The following NPAS3 variants were observed in gnomAD, a reference collection of about 807,000 sequenced individuals.
NPAS3 encodes the protein neuronal PAS domain protein 3.
A neutral mutation model predicts 73.1 loss-of-function variants in NPAS3; 14 were observed. The ratio of observed to expected loss-of-function variants is 0.19; its 90% CI spans 0.13 to 0.30. The LOEUF (loss-of-function observed/expected upper bound fraction) is 0.30. Among genes scored for constraint, NPAS3 ranks in the 10% least tolerant of loss-of-function variants. The pLI, the probability that NPAS3 is intolerant of heterozygous loss-of-function variation, is 1.00. For missense variants in NPAS3, 1,096 were observed against 1,250.0 expected (o/e 0.88, Z 1.86); for synonymous variants, 620 against 541.5 (o/e 1.14, Z -2.01).
intron 3 of NPAS3, among the ~76,000 whole-genome samples, chr14:33,333,222 G>A (rs962999959): frequency 2.6e-5 from 4 of 152,164 alleles, no homozygotes; most frequent in African/African-American, 7.2e-5. Flanking sequence ...TAAATGAGAT[G>A]ATACATATGA....
At chr14:33,063,522 C>T (rs1436118473) in intron 2 of NPAS3, among the ~76,000 whole-genome samples, 1 of 152,142 alleles carries the variant, frequency 6.6e-6, no homozygotes, top group Non-Finnish European at 1.5e-5. Context: ...GGATTAGTAT[C>T]ACTGAATTAG....
At chr14:33,158,586 T>C (rs1171297909) in intron 2 of NPAS3, among the ~76,000 whole-genome samples, 2 of 151,490 alleles carry the variant, frequency 1.3e-5, no homozygotes, top group Non-Finnish European at 1.5e-5. Flanking sequence ...TAATTGGGAG[T>C]TCTAAGGTAC....
At chr14:33,411,325 G>A (rs955508333) in intron 4 of NPAS3, among the ~76,000 whole-genome samples, 2 of 152,146 alleles carry the variant, frequency 1.3e-5, no homozygotes, top group African/African-American at 4.8e-5. Flanking sequence ...TGGGATTACA[G>A]GCATCTGCCA....
chr14:33,521,271 G>A (rs565843289), intron 4 of NPAS3, among the ~76,000 whole-genome samples: 7 of 152,174 alleles, frequency 4.6e-5, no homozygotes, highest in African/African-American at 1.4e-4. Flanking sequence ...GAGGTGTCAA[G>A]GGCAATACAG....
Position 33,778,450 on chromosome 14 carries a change from G to T in NPAS3, c.1047-16G>T. 6.5e-7 allele frequency: 1 copy of T among 1,541,384 alleles called. No homozygotes were observed. The highest frequency in any genetic ancestry group is 9.0e-7 in the Non-Finnish European group (1 of 1,113,940). On this transcript the variant is annotated splice_polypyrimidine_tract_variant and intron_variant, in intron 8 of 11. Coordinates refer to ENST00000356141, the Ensembl canonical transcript of NPAS3. Reference sequence around the variant, plus strand: ...TCCTCCTTTCTGAATTCCAGCCTGTGTTCTTCTCTTTGTAGGATTAGTGAT... The same window carrying T: ...TCCTCCTTTCTGAATTCCAGCCTGTTTTCTTCTCTTTGTAGGATTAGTGAT...
Position 33,483,591 on chromosome 14 carries a change from C to T in NPAS3, c.469-76530C>T, listed in dbSNP as rs548871150. On this transcript the variant is annotated intron_variant, in intron 4 of 11. Transcript: ENST00000356141. ...ATGCCCTTCACACAGCAGACAGTTA[C>T]CTAATGGTAAACGATGAGGGATCAT... Among the ~76,000 whole-genome samples, 3 of 152,220 alleles carry T rather than the reference C, an allele frequency of 2.0e-5. No individual in the cohort carries two copies. In the East Asian group the frequency reaches 5.8e-4, roughly 29 times the overall value.
chr14:33,044,663 T>TC (rs2040446236), intron 1 of NPAS3, among the ~76,000 whole-genome samples: 1 of 151,920 alleles, frequency 6.6e-6, no homozygotes, highest in Admixed American at 6.6e-5. Flanking sequence ...TGTTTTTTTT[T>TC]TTTTTGGCGG....
intron 6 of NPAS3, among the ~76,000 whole-genome samples, chr14:33,691,823 G>C (rs537886002): frequency 4.6e-5 from 7 of 152,208 alleles, no homozygotes; most frequent in African/African-American, 1.7e-4. Context: ...CCCAACTGGG[G>C]CTTTAAAATT....
intron 3 of NPAS3, among the ~76,000 whole-genome samples, chr14:33,250,821 T>C (rs936597369): frequency 6.6e-6 from 1 of 152,060 alleles, no homozygotes; most frequent in Non-Finnish European, 1.5e-5. Flanking sequence ...GGTTATTTTT[T>C]CCTCTCCAAA....
chr14:33,452,699 C>T (rs1332150900), intron 4 of NPAS3, among the ~76,000 whole-genome samples: 4 of 127,914 alleles, frequency 3.1e-5, no homozygotes, highest in East Asian at 2.7e-4. Flanking sequence ...GGCGTGAATT[C>T]GGGAGGTGGA....
chr14:33,229,128 A>G (rs78569358), intron 3 of NPAS3, among the ~76,000 whole-genome samples: 4,509 of 152,270 alleles, frequency 0.03, 94 homozygotes, highest in Middle Eastern at 0.068. Flanking sequence ...CAGGATACCC[A>G]ATGCCATGTA....
rs759905910 is a variant in NPAS3, at chr14:33,774,188, A to C, written c.853-149A>C. 1.1e-4 allele frequency: 65 copies of C among 605,518 alleles called. No individual in the cohort carries two copies. In the Middle Eastern group the frequency reaches 1.7e-3, roughly 15 times the overall value. 37.5% of individuals were successfully genotyped at this position (605,518 alleles called of 1,614,324 possible). ...CTTTTTTGTCTCTTGCCACAAGGACACTGAGGGCATGCCGACAGCCATTAT... is the reference window on the plus strand; with the variant it reads ...CTTTTTTGTCTCTTGCCACAAGGACCCTGAGGGCATGCCGACAGCCATTAT... On this transcript the variant is annotated intron_variant, in intron 7 of 11. Coordinates refer to ENST00000356141, the Ensembl canonical transcript of NPAS3.
At chr14:33,682,224 T>G (rs1437313154) in intron 6 of NPAS3, among the ~76,000 whole-genome samples, 1 of 152,170 alleles carries the variant, frequency 6.6e-6, no homozygotes, top group African/African-American at 2.4e-5. Flanking sequence ...ATGGATTGAT[T>G]TAAAATGCAT....
chr14:33,034,926 C>A (rs1440177249), intron 1 of NPAS3, among the ~76,000 whole-genome samples: 3 of 152,128 alleles, frequency 2.0e-5, no homozygotes, highest in African/African-American at 4.8e-5. Context: ...TGTGTTAAGA[C>A]AACTTATTAT....
intron 3 of NPAS3, among the ~76,000 whole-genome samples, chr14:33,309,039 A>G (rs994414597): frequency 1.3e-5 from 2 of 152,160 alleles, no homozygotes; most frequent in African/African-American, 4.8e-5. Context: ...ACTAGTAGAT[A>G]TTTGGTGAAA....
At position 33,654,694 on chromosome 14, in the gene NPAS3, C is replaced by T. The variant is rs999549484; in HGVS notation, c.559-21517C>T. ...CCACACCATGCTGCTGACTAGCCAA[C>T]TGTTGGTGCATAAATATTTATATCC... On this transcript the variant is annotated intron_variant, in intron 5 of 11. Coordinates refer to ENST00000356141, the Ensembl canonical transcript of NPAS3. Among the ~76,000 whole-genome samples the T allele has an allele frequency of 4.6e-5, 7 of 152,162 alleles. No homozygotes were observed. In the East Asian group the frequency reaches 1.3e-3, roughly 29 times the overall value.
intron 1 of NPAS3, among the ~76,000 whole-genome samples, chr14:33,037,943 T>C (rs2040224508): frequency 6.6e-6 from 1 of 152,240 alleles, no homozygotes; most frequent in South Asian, 2.1e-4. Context: ...GGATTCAAAA[T>C]CAGAGGCATC....
chr14:33,616,152 C>T (rs377576269), intron 5 of NPAS3, among the ~76,000 whole-genome samples: 1 of 152,312 alleles, frequency 6.6e-6, no homozygotes, highest in African/African-American at 2.4e-5. Flanking sequence ...CTTAAGCCTG[C>T]CAACTCTGGG....
intron 3 of NPAS3, among the ~76,000 whole-genome samples, chr14:33,340,149 A>G (rs550662011): frequency 4.6e-5 from 7 of 152,324 alleles, no homozygotes; most frequent in African/African-American, 1.7e-4. Context: ...TTATATCAGA[A>G]TAGTTTTTGG....
Sources: gnomAD v4.1 joint callset for allele counts (sites outside exome capture counted in the v4.1 genomes callset) on GRCh38, gnomAD v4.1.1 for gene constraint, MANE v1.5 for transcripts, NCBI Gene and HGNC (gene_info 2026-07-23, HGNC 2026-07-21) for gene names.